CRTAC1: variants seen among roughly 807,000 people sequenced by gnomAD.
CRTAC1 encodes cartilage acidic protein 1.
A neutral mutation model predicts 67.8 loss-of-function variants in CRTAC1; 37 were observed. That is an observed-to-expected ratio of 0.55 (90% CI 0.42 to 0.72). The LOEUF is 0.72. Ranked by LOEUF, CRTAC1 falls within the 30% of genes least tolerant of loss-of-function variation. The pLI, the probability that CRTAC1 is intolerant of heterozygous loss-of-function variation, is 0.00. For synonymous variants in CRTAC1, 348 were observed against 371.0 expected (o/e 0.94, Z 0.71); for missense variants, 780 against 931.6 (o/e 0.84, Z 2.12).
chr10:98,027,240 A>G lies in CRTAC1; in HGVS notation c.24+3209T>C, dbSNP rs116949058. On this transcript the variant is annotated intron_variant, in intron 1 of 14. Coordinates refer to ENST00000370597, the MANE Select transcript of CRTAC1 (RefSeq NM_018058.7). ...AAACCTGTTTCCCAGAGCCCAGCTC[A>G]GATGTCGACAGCCAGGCTCTCGGAA... Among the ~76,000 whole-genome samples the G allele has an allele frequency of 3.2e-3, 494 of 152,206 alleles. 3 individuals are homozygous for G. Among genetic ancestry groups the G allele is most frequent in the East Asian group, 0.015 (79 of 5,184 alleles).
At chr10:97,900,612 C>T (rs1270778684) in intron 8 of CRTAC1, among the ~76,000 whole-genome samples, 1 of 130,076 alleles carries the variant, frequency 7.7e-6, no homozygotes, top group African/African-American at 3.3e-5. Flanking sequence ...CCCCGTAGCC[C>T]CTTTTCCTGG....
rs372095326 is a variant in CRTAC1 at position 98,004,509 on chromosome 10, T to A, written c.224+6629A>T. Among the ~76,000 whole-genome samples, 18 of 152,328 alleles carry A rather than the reference T, an allele frequency of 1.2e-4. 1 individual carries two copies. In the East Asian group the frequency reaches 1.9e-3, roughly 16 times the overall value. ...AAAGATTAGATTGGAAGCAATTTGG[T>A]GATATCTAATAAGATTTAAAATGAA... On this transcript the variant is annotated intron_variant, in intron 2 of 14. Transcript: ENST00000370597.
At chr10:97,970,880 C>G (rs1337509867) in intron 2 of CRTAC1, among the ~76,000 whole-genome samples, 1 of 152,116 alleles carries the variant, frequency 6.6e-6, no homozygotes, top group African/African-American at 2.4e-5. Flanking sequence ...TAACAAGTGC[C>G]TATAGAGTAA....
At chr10:97,893,371 G>A (rs919386217) in intron 11 of CRTAC1, among the ~76,000 whole-genome samples, 6 of 152,040 alleles carry the variant, frequency 3.9e-5, no homozygotes, top group African/African-American at 1.4e-4. Flanking sequence ...GAACACCTGG[G>A]GAAGGTGTCT....
At chr10:97,929,391 T>C (rs1453720910) in intron 3 of CRTAC1, among the ~76,000 whole-genome samples, 1 of 151,996 alleles carries the variant, frequency 6.6e-6, no homozygotes, top group Non-Finnish European at 1.5e-5. Flanking sequence ...GAGCATGAGG[T>C]TGTGTCATAA....
At chr10:97,972,343 G>T (rs2051729143) in intron 2 of CRTAC1, among the ~76,000 whole-genome samples, 2 of 152,198 alleles carry the variant, frequency 1.3e-5, no homozygotes, top group South Asian at 2.1e-4. Flanking sequence ...AGGGAACAGG[G>T]TGTGGGTCAC....
intron 14 of CRTAC1, among the ~76,000 whole-genome samples, chr10:97,877,310 G>A (rs1192343900): frequency 4.6e-5 from 7 of 152,222 alleles, no homozygotes; most frequent in Non-Finnish European, 2.9e-5. Flanking sequence ...GGAAGGCAGC[G>A]TAGGGGTGGC....
intron 2 of CRTAC1, among the ~76,000 whole-genome samples, chr10:97,985,055 T>C (rs1268811479): frequency 1.3e-5 from 2 of 152,194 alleles, no homozygotes; most frequent in Non-Finnish European, 2.9e-5. Context: ...CTCCACCCCT[T>C]GGCCAGAACT....
At chr10:97,875,381 C>A (rs541606428) in intron 14 of CRTAC1, among the ~76,000 whole-genome samples, 23 of 152,354 alleles carry the variant, frequency 1.5e-4, no homozygotes, top group African/African-American at 3.8e-4. Context: ...TTCTCTCTTG[C>A]GTCTCATTTT....
At chr10:97,911,333 T>C (rs1233911119) in intron 5 of CRTAC1, among the ~76,000 whole-genome samples, 1 of 152,250 alleles carries the variant, frequency 6.6e-6, no homozygotes, top group Non-Finnish European at 1.5e-5. Context: ...AATTTCTAAA[T>C]CTTTCTAATT....
At chr10:97,923,475 T>C in intron 3 of CRTAC1, 75 bp from the exon 4 acceptor site, 1 of 1,583,948 alleles carries the variant, frequency 6.3e-7, no homozygotes, top group Non-Finnish European at 8.6e-7. Context: ...GTATGTCTCA[T>C]GGCACCTTTC....
At chr10:97,953,188 C>G (rs537026253) in intron 2 of CRTAC1, among the ~76,000 whole-genome samples, 1 of 152,264 alleles carries the variant, frequency 6.6e-6, no homozygotes, top group East Asian at 1.9e-4. Flanking sequence ...GTTCAGTTCC[C>G]AAGACACAGG....
At chr10:97,876,520 C>T (rs950469032) in intron 14 of CRTAC1, among the ~76,000 whole-genome samples, 1 of 152,042 alleles carries the variant, frequency 6.6e-6, no homozygotes, top group African/African-American at 2.4e-5. Flanking sequence ...GCAGCACTGG[C>T]CCACCTTCCC....
intron 12 of CRTAC1, 141 bp from the exon 13 acceptor site, chr10:97,882,969 C>T: frequency 1.2e-6 from 1 of 824,764 alleles, no homozygotes; most frequent in East Asian, 2.6e-5. Context: ...GGGGGAGCCC[C>T]CTCCCTTGTA....
intron 11 of CRTAC1, among the ~76,000 whole-genome samples, chr10:97,886,891 C>T (rs961236770): frequency 2.6e-5 from 4 of 151,930 alleles, no homozygotes. Flanking sequence ...GTGATCCACC[C>T]ACCTCAGCTT....
chr10:98,026,928 C>A (rs1385369246), intron 1 of CRTAC1, among the ~76,000 whole-genome samples: 6 of 151,916 alleles, frequency 3.9e-5, no homozygotes, highest in African/African-American at 1.5e-4. Context: ...GCCTGTAATC[C>A]CAGCACTTTG....
chr10:97,910,396 G>C (rs1590201829), intron 5 of CRTAC1, among the ~76,000 whole-genome samples: 1 of 152,190 alleles, frequency 6.6e-6, no homozygotes, highest in African/African-American at 2.4e-5. Flanking sequence ...CTGGGAGCTT[G>C]CTAGAATTGC....
At chr10:97,987,050 A>G (rs915905601) in intron 2 of CRTAC1, among the ~76,000 whole-genome samples, 1 of 152,260 alleles carries the variant, frequency 6.6e-6, no homozygotes, top group African/African-American at 2.4e-5. Flanking sequence ...CAGTATATTA[A>G]GAAATGAAGA....
At chr10:98,004,551 C>CAGTT (rs757250541) in intron 2 of CRTAC1, among the ~76,000 whole-genome samples, 5 of 152,166 alleles carry the variant, frequency 3.3e-5, no homozygotes, top group African/African-American at 7.2e-5. Flanking sequence ...CCTGACCCTG[C>CAGTT]AGTTCCATTT....
Sources: gnomAD v4.1 joint callset for allele counts (sites outside exome capture counted in the v4.1 genomes callset) on GRCh38, gnomAD v4.1.1 for gene constraint, MANE v1.5 for transcripts, NCBI Gene and HGNC (gene_info 2026-07-23, HGNC 2026-07-21) for gene names.